The following KCND2 variants were observed in gnomAD, a reference collection of about 807,000 sequenced individuals.
KCND2 encodes the protein A-type voltage-gated potassium channel KCND2.
KCND2 carries 16 observed loss-of-function variants against 54.4 expected under a neutral mutation model. The ratio of observed to expected loss-of-function variants is 0.29; its 90% CI spans 0.20 to 0.45. KCND2 has a LOEUF of 0.45. KCND2 is among the 20% of genes least tolerant of loss of function. KCND2 has a pLI of 1.00. For synonymous variants in KCND2, 317 were observed against 310.7 expected, an observed-to-expected ratio of 1.02 and a Z score of -0.21; for missense variants, 486 against 824.2, an observed-to-expected ratio of 0.59 and a Z score of 5.02.
chr7:120,727,849 T>TG (rs1263039648), intron 1 of KCND2, among the ~76,000 whole-genome samples: 1 of 151,536 alleles, frequency 6.6e-6, no homozygotes, highest in Non-Finnish European at 1.5e-5. Context: ...AGAAAGAGTA[T>TG]GGGGGGCCGG....
intron 1 of KCND2, among the ~76,000 whole-genome samples, chr7:120,403,973 A>G (rs1193734022): frequency 1.3e-5 from 2 of 152,114 alleles, no homozygotes; most frequent in Non-Finnish European, 2.9e-5. Context: ...GTGAAATACA[A>G]ACATGATTTT....
intron 1 of KCND2, among the ~76,000 whole-genome samples, chr7:120,415,091 A>G (rs2116118084): frequency 6.6e-6 from 1 of 152,304 alleles, no homozygotes. Flanking sequence ...ATGTACATTA[A>G]ACTACTACCA....
intron 1 of KCND2, among the ~76,000 whole-genome samples, chr7:120,518,807 A>G (rs924884918): frequency 5.3e-5 from 8 of 152,188 alleles, no homozygotes; most frequent in Admixed American, 5.2e-4. Flanking sequence ...TATGTCCTTT[A>G]CATGACAAAA....
intron 1 of KCND2, among the ~76,000 whole-genome samples, chr7:120,330,487 A>T (rs905426559): frequency 1.4e-5 from 2 of 142,204 alleles, no homozygotes; most frequent in Admixed American, 1.5e-4. Flanking sequence ...AGGCTGAGGT[A>T]GGAGAATCGC....
At chr7:120,722,202 A>G (rs1008111953) in intron 1 of KCND2, among the ~76,000 whole-genome samples, 3 of 152,182 alleles carry the variant, frequency 2.0e-5, no homozygotes, top group East Asian at 1.9e-4. Context: ...TGACCCTCTC[A>G]TGGTAAACTC....
At chr7:120,278,078 A>C (rs183253321) in intron 1 of KCND2, among the ~76,000 whole-genome samples, 2 of 152,146 alleles carry the variant, frequency 1.3e-5, no homozygotes, top group Admixed American at 6.5e-5. Context: ...TGTCGATGTA[A>C]TCAAAATGAG....
intron 1 of KCND2, among the ~76,000 whole-genome samples, chr7:120,416,943 T>C (rs1483651107): frequency 1.3e-5 from 2 of 152,192 alleles, no homozygotes; most frequent in African/African-American, 4.8e-5. Context: ...CCTCCAGGGC[T>C]CAAGCAGTTC....
chr7:120,542,469 T>C (rs1009352767), intron 1 of KCND2, among the ~76,000 whole-genome samples: 2 of 152,154 alleles, frequency 1.3e-5, no homozygotes, highest in African/African-American at 4.8e-5. Flanking sequence ...CATAATTGCA[T>C]GTAAAATAAT....
intron 1 of KCND2, among the ~76,000 whole-genome samples, chr7:120,411,138 A>C (rs575567320): frequency 1.3e-5 from 2 of 151,988 alleles, no homozygotes; most frequent in African/African-American, 2.4e-5. Context: ...TTCTTACAGC[A>C]ATGTTTTGTC....
intron 1 of KCND2, among the ~76,000 whole-genome samples, chr7:120,337,766 A>G (rs1313818021): frequency 1.3e-5 from 2 of 152,192 alleles, no homozygotes; most frequent in Non-Finnish European, 2.9e-5. Context: ...TCGTTTACAA[A>G]AGTTGTAATG....
chr7:120,404,786 T>TTTGC (rs3067068), intron 1 of KCND2, among the ~76,000 whole-genome samples: 1 of 94 alleles, frequency 0.011, no homozygotes, highest in Non-Finnish European at 0.02. Context: ...CCTTTGTGAA[T>TTTGC]TTGTCTTTTG....
chr7:120,392,063 C>G (rs1489176642), intron 1 of KCND2, among the ~76,000 whole-genome samples: 3 of 152,014 alleles, frequency 2.0e-5, no homozygotes, highest in Non-Finnish European at 4.4e-5. Flanking sequence ...ACATTTAAGT[C>G]TTTAATCCAT....
chr7:120,282,092 A>G (rs561744900), intron 1 of KCND2, among the ~76,000 whole-genome samples: 1 of 152,122 alleles, frequency 6.6e-6, no homozygotes, highest in Non-Finnish European at 1.5e-5. Context: ...TAAATTGCGG[A>G]TGCCTTTGGG....
At chr7:120,665,355 C>T (rs1173010853) in intron 1 of KCND2, among the ~76,000 whole-genome samples, 1 of 151,972 alleles carries the variant, frequency 6.6e-6, no homozygotes, top group African/African-American at 2.4e-5. Flanking sequence ...ACATATTTAC[C>T]TCTCTCTTAG....
chr7:120,450,854 T>C lies in KCND2; in HGVS notation c.1115+175107T>C, dbSNP rs186638532. Among the ~76,000 whole-genome samples the C allele has an allele frequency of 2.0e-5, 3 of 152,306 alleles. No homozygotes were observed. The East Asian group carries it at 5.8e-4, about 29-fold the overall frequency. ...GAATTAATATTGTTGCTGACGCCTCTCCTACTCAGCCTTCCCTTAAATGCA... is the reference window on the plus strand; with the variant it reads ...GAATTAATATTGTTGCTGACGCCTCCCCTACTCAGCCTTCCCTTAAATGCA... On this transcript the variant is annotated intron_variant, in intron 1 of 5. Coordinates refer to ENST00000331113, the MANE Select transcript of KCND2 (RefSeq NM_012281.3).
At chr7:120,509,909 AAC>A (rs1392393202) in intron 1 of KCND2, among the ~76,000 whole-genome samples, 2 of 152,068 alleles carry the variant, frequency 1.3e-5, no homozygotes, top group African/African-American at 4.8e-5. Context: ...CTTCTAGCCA[AAC>A]ACTTGCCAAA....
chr7:120,629,466 A>G (rs373841321), intron 1 of KCND2, among the ~76,000 whole-genome samples: 8 of 152,212 alleles, frequency 5.3e-5, no homozygotes, highest in African/African-American at 1.2e-4. Flanking sequence ...ATCCTGGGCG[A>G]CAGAGCGAGA....
chr7:120,305,225 A>C (rs1445278253), intron 1 of KCND2, among the ~76,000 whole-genome samples: 1 of 152,180 alleles, frequency 6.6e-6, no homozygotes, highest in African/African-American at 2.4e-5. Flanking sequence ...CAAGAGCATG[A>C]AAATTATGAG....
intron 1 of KCND2, among the ~76,000 whole-genome samples, chr7:120,523,662 T>C (rs911442335): frequency 6.8e-6 from 1 of 147,600 alleles, no homozygotes; most frequent in African/African-American, 2.5e-5. Flanking sequence ...TATTATATAT[T>C]GTCCACATAT....
Sources: allele counts gnomAD v4.1 joint callset (sites outside exome capture counted in the v4.1 genomes callset), GRCh38; gene constraint gnomAD v4.1.1; transcripts MANE v1.5; gene names NCBI Gene and HGNC (gene_info 2026-07-23, HGNC 2026-07-21).